Variants in DHX32 observed in about 807,000 individuals in gnomAD.
DHX32 encodes putative pre-mRNA-splicing factor ATP-dependent RNA helicase DHX32.
DHX32 carries 51 observed loss-of-function variants against 70.0 expected under a neutral mutation model. The observed-to-expected ratio is 0.73, with a 90% CI of 0.58 to 0.92. The LOEUF (loss-of-function observed/expected upper bound fraction) is 0.92. Ranked by LOEUF, DHX32 falls within the 40% of genes least tolerant of loss-of-function variation. The pLI is 0.00. For synonymous variants in DHX32, 310 were observed against 315.3 expected (o/e 0.98, Z 0.18); for missense variants, 762 against 891.8 (o/e 0.85, Z 1.85).
At chr10:125,886,454 A>G (rs1030417493) in intron 1 of DHX32, among the ~76,000 whole-genome samples, 2 of 152,070 alleles carry the variant, frequency 1.3e-5, no homozygotes, top group African/African-American at 4.8e-5. Flanking sequence ...ACTGCAGTCT[A>G]TCTTGCATAG....
chr10:125,864,481 T>C (rs938141028), intron 2 of DHX32, among the ~76,000 whole-genome samples: 2 of 152,142 alleles, frequency 1.3e-5, no homozygotes, highest in Admixed American at 6.5e-5. Context: ...CTTTAATATA[T>C]AGTATTTCCT....
At chr10:125,841,599 C>T (rs915360892) in intron 7 of DHX32, 144 bp downstream of exon 7, 3 of 1,449,462 alleles carry the variant, frequency 2.1e-6, no homozygotes, top group African/African-American at 1.4e-5. Context: ...TATTAAAATA[C>T]CTCACTATCA....
At chr10:125,857,767 C>A (rs1205748247) in intron 3 of DHX32, among the ~76,000 whole-genome samples, 2 of 152,126 alleles carry the variant, frequency 1.3e-5, no homozygotes, top group African/African-American at 2.4e-5. Context: ...TTTCCAAGAT[C>A]CAAAATCCAT....
At chr10:125,841,026 C>T (rs1854863199) in intron 7 of DHX32, 30 bp from the exon 8 acceptor site, 2 of 1,581,270 alleles carry the variant, frequency 1.3e-6, no homozygotes, top group East Asian at 4.5e-5. Flanking sequence ...ACATGGTTAG[C>T]AATAATGAAG....
intron 1 of DHX32, among the ~76,000 whole-genome samples, chr10:125,888,255 G>A (rs73381293): frequency 1.8e-4 from 27 of 150,242 alleles, no homozygotes; most frequent in African/African-American, 6.6e-4. Context: ...CCAGGCTGGA[G>A]TGCAGTGGCA....
chr10:125,860,723 C>T (rs1589712678), intron 2 of DHX32, among the ~76,000 whole-genome samples: 1 of 149,902 alleles, frequency 6.7e-6, no homozygotes, highest in Non-Finnish European at 1.5e-5. Context: ...ACATATTTAC[C>T]TGTATTACTG....
intron 1 of DHX32, among the ~76,000 whole-genome samples, chr10:125,873,374 C>T (rs1356281247): frequency 5.9e-5 from 9 of 152,174 alleles, no homozygotes; most frequent in Admixed American, 5.9e-4. Flanking sequence ...TAGACACATA[C>T]TAGTCCCAAA....
At position 125,836,496 on chromosome 10, in the gene DHX32, A is replaced by G; in HGVS notation, c.*191T>C. 1.5e-6 allele frequency: 2 copies of G among 1,377,194 alleles called. No homozygotes were observed. Among genetic ancestry groups the G allele is most frequent in the Non-Finnish European group, 1.9e-6 (2 of 1,057,184 alleles). 85.3% of individuals were successfully genotyped at this position (1,377,194 alleles called of 1,614,324 possible). A position where few individuals can be genotyped will look rare whatever the true frequency, so the allele number is the denominator to read the frequency against. ...AAACTTTTCCAAGAAGAAGAAAAGCATGGAGTAGTAATTTAAAGAACTCAA... is the reference window on the plus strand; with the variant it reads ...AAACTTTTCCAAGAAGAAGAAAAGCGTGGAGTAGTAATTTAAAGAACTCAA... On this transcript the variant is annotated 3_prime_UTR_variant, in exon 11 of 11. Coordinates refer to ENST00000284690, the MANE Select transcript of DHX32 (RefSeq NM_018180.3).
intron 8 of DHX32, 92 bp downstream of exon 8, chr10:125,840,755 C>T (rs1368531347): frequency 9.3e-6 from 13 of 1,401,036 alleles, no homozygotes; most frequent in Middle Eastern, 2.1e-4. Flanking sequence ...GTAGGGCTGG[C>T]GAAGAATGTT....
rs5788717 is a variant in DHX32, at chr10:125,881,162, AT to A, written c.-339del. 0.01 allele frequency: 1,789 copies of A among 176,412 alleles called. No individual in the cohort carries two copies. The highest frequency in any genetic ancestry group is 0.016 in the Middle Eastern group (7 of 430). 10.9% of individuals were successfully genotyped at this position (176,412 alleles called of 1,614,324 possible). A position where few individuals can be genotyped will look rare whatever the true frequency, so the allele number is the denominator to read the frequency against. On this transcript the variant is annotated 5_prime_UTR_variant, in exon 1 of 11. Transcript: ENST00000284690. ...CACAGGAGTTCAAATGAAAAGCATT[AT>A]TTTTTTTTTTTCTGTTAACGGGTTT...
chr10:125,888,389 G>A (rs1185462052), intron 1 of DHX32, among the ~76,000 whole-genome samples: 2 of 151,600 alleles, frequency 1.3e-5, no homozygotes, highest in East Asian at 3.9e-4. Flanking sequence ...TTTTATTTTT[G>A]TAGAGACAGT....
At chr10:125,838,842 T>G (rs578050992) in intron 9 of DHX32, among the ~76,000 whole-genome samples, 159 bp downstream of exon 9, 1 of 152,342 alleles carries the variant, frequency 6.6e-6, no homozygotes, top group East Asian at 1.9e-4. Flanking sequence ...CTTTATTCCC[T>G]TGAGGGGAAG....
intron 3 of DHX32, among the ~76,000 whole-genome samples, chr10:125,858,645 T>C (rs1011266726): frequency 3.3e-5 from 5 of 152,220 alleles, no homozygotes; most frequent in Admixed American, 6.5e-5. Context: ...GAGCCACTTA[T>C]CTGTTCAGCT....
At chr10:125,864,945 AAAAAAAAAAAAAAAAAAAAAAAG>A (rs1397452389) in intron 2 of DHX32, among the ~76,000 whole-genome samples, 3 of 74,838 alleles carry the variant, frequency 4.0e-5, no homozygotes, top group African/African-American at 1.3e-4. Context: ...AAAAAAAAAA[AAAAAAAAAAAAAAAAAAAAAAAG>A]AAAGAAAAAG....
At chr10:125,839,940 C>T (rs1278667839) in intron 8 of DHX32, among the ~76,000 whole-genome samples, 1 of 152,222 alleles carries the variant, frequency 6.6e-6, no homozygotes, top group Admixed American at 6.5e-5. Context: ...AAGGTGCCAC[C>T]AGATTCCTGT....
At chr10:125,878,844 G>A (rs906971120) in intron 1 of DHX32, among the ~76,000 whole-genome samples, 1 of 151,700 alleles carries the variant, frequency 6.6e-6, no homozygotes, top group Admixed American at 6.6e-5. Flanking sequence ...AAGGAGCTGG[G>A]ACTACAGGTG....
intron 2 of DHX32, among the ~76,000 whole-genome samples, chr10:125,864,334 A>C (rs1944206469): frequency 6.6e-6 from 1 of 152,202 alleles, no homozygotes; most frequent in Non-Finnish European, 1.5e-5. Flanking sequence ...AGAAAGAAAC[A>C]ACCTGCAAAA....
At chr10:125,894,570 T>C (rs1479693054) in intron 1 of DHX32, among the ~76,000 whole-genome samples, 1 of 152,300 alleles carries the variant, frequency 6.6e-6, no homozygotes, top group Non-Finnish European at 1.5e-5. Flanking sequence ...AAAATAATCA[T>C]TCTATATGAT....
At chr10:125,854,394 G>T in intron 3 of DHX32, 191 bp from the exon 4 acceptor site, 1 of 432,376 alleles carries the variant, frequency 2.3e-6, no homozygotes, top group Non-Finnish European at 3.9e-6. Context: ...CTTTGGGGAA[G>T]TTAAATATAA....
Sources: gnomAD v4.1 joint callset for allele counts (sites outside exome capture counted in the v4.1 genomes callset) on GRCh38, gnomAD v4.1.1 for gene constraint, MANE v1.5 for transcripts, NCBI Gene and HGNC (gene_info 2026-07-23, HGNC 2026-07-21) for gene names.